Variants in SMYD4 observed in about 807,000 individuals in gnomAD.
SMYD4 encodes protein-lysine N-methyltransferase SMYD4.
In SMYD4, 68 loss-of-function variants were observed where a neutral mutation model predicts 72.8. That is an observed-to-expected ratio of 0.93 (90% CI 0.77 to 1.14). SMYD4 has a LOEUF of 1.14. SMYD4 is among the 50% of genes most tolerant of loss of function. The probability of loss-of-function intolerance (pLI) is 0.00; values close to 1 mark genes in which losing one functional copy is unlikely to be tolerated. For missense variants in SMYD4, 984 were observed against 1,003.7 expected (o/e 0.98, Z 0.27); for synonymous variants, 407 against 388.6 (o/e 1.05, Z -0.56).
intron 3 of SMYD4, among the ~76,000 whole-genome samples, chr17:1,806,750 T>C (rs988285831): frequency 6.6e-6 from 1 of 152,274 alleles, no homozygotes; most frequent in East Asian, 1.9e-4. Flanking sequence ...AATTTAGCAA[T>C]ATATGTCAAA....
chr17:1,807,242 C>A (rs536034360), intron 3 of SMYD4, among the ~76,000 whole-genome samples: 2 of 151,698 alleles, frequency 1.3e-5, no homozygotes, highest in Non-Finnish European at 2.9e-5. Context: ...AGACAGGAAA[C>A]AAGCATCGAT....
chr17:1,789,785 A>G (rs1893111693), intron 5 of SMYD4, among the ~76,000 whole-genome samples: 2 of 150,558 alleles, frequency 1.3e-5, no homozygotes, highest in African/African-American at 2.4e-5. Flanking sequence ...AAAAAGTTTT[A>G]TAAAGGAAAA....
chr17:1,798,593 T>C (rs1909530853), intron 5 of SMYD4, among the ~76,000 whole-genome samples: 1 of 151,750 alleles, frequency 6.6e-6, no homozygotes, highest in African/African-American at 2.4e-5. Context: ...CAAGTCCTCA[T>C]CTCTATTAAA....
chr17:1,802,444 T>C (rs1261711033), intron 4 of SMYD4, among the ~76,000 whole-genome samples: 17 of 151,486 alleles, frequency 1.1e-4, no homozygotes, highest in Admixed American at 1.1e-3. Flanking sequence ...CAGTTAGCTA[T>C]GATCGAGTCA....
chr17:1,794,103 A>ATTTTT (rs1909254322), intron 5 of SMYD4, among the ~76,000 whole-genome samples: 1 of 14,760 alleles, frequency 6.8e-5, no homozygotes, highest in Non-Finnish European at 1.6e-4. Flanking sequence ...ATATATATAT[A>ATTTTT]TATTTTTTTT....
chr17:1,783,338 A>G (rs965517883), intron 9 of SMYD4, 22 bp downstream of exon 9: 2 of 1,611,672 alleles, frequency 1.2e-6, no homozygotes, highest in Non-Finnish European at 1.7e-6. Context: ...CCCGACGCAG[A>G]ACGTGAAGGC....
intron 7 of SMYD4, 164 bp from the exon 8 acceptor site, chr17:1,784,625 G>GC (rs1908554913): frequency 1.5e-5 from 14 of 942,030 alleles, no homozygotes; most frequent in Non-Finnish European, 1.8e-5. Context: ...TTTGATGGCG[G>GC]CAATGGCGGC....
At chr17:1,821,603 A>C (rs545522463) in intron 2 of SMYD4, among the ~76,000 whole-genome samples, 4 of 152,142 alleles carry the variant, frequency 2.6e-5, no homozygotes, top group Non-Finnish European at 4.4e-5. Flanking sequence ...AACTCAAGAA[A>C]GAGCAGTATT....
At chr17:1,793,954 G>A (rs1909202011) in intron 5 of SMYD4, among the ~76,000 whole-genome samples, 1 of 146,596 alleles carries the variant, frequency 6.8e-6, no homozygotes, top group African/African-American at 2.5e-5. Flanking sequence ...CCTAGTAGCT[G>A]GGACTACAGG....
In SMYD4 at chr17:1,829,740, G is replaced by A. The variant is rs1314687869; in HGVS notation, c.-27C>T. ...GGGATACCAACCCGTGCACTCGCCA[G>A]AGACCGAGGCGAGAACGCCTCGAGA... On this transcript the variant is annotated 5_prime_UTR_variant, in exon 1 of 11. Coordinates refer to ENST00000305513, the MANE Select transcript of SMYD4 (RefSeq NM_052928.3). The A allele has an allele frequency of 1.1e-5, 2 of 187,362 alleles. No individual in the cohort carries two copies. The highest frequency in any genetic ancestry group is 6.1e-5 in the Admixed American group (1 of 16,268). 11.6% of individuals were successfully genotyped at this position (187,362 alleles called of 1,614,324 possible). A position where few individuals can be genotyped will look rare whatever the true frequency, so the allele number is the denominator to read the frequency against.
intron 2 of SMYD4, among the ~76,000 whole-genome samples, chr17:1,815,058 A>T (rs1488768259): frequency 6.6e-6 from 1 of 151,406 alleles, no homozygotes; most frequent in East Asian, 1.9e-4. Flanking sequence ...TATGAACTCA[A>T]TGTCTTTTTT....
chr17:1,805,927 CTT>C (rs34177306), intron 3 of SMYD4, among the ~76,000 whole-genome samples: 11 of 140,438 alleles, frequency 7.8e-5, no homozygotes, highest in Admixed American at 1.4e-4. Context: ...ACATCAAATT[CTT>C]TTTTTTTTTT....
At chr17:1,790,134 C>T (rs1168219645) in intron 5 of SMYD4, among the ~76,000 whole-genome samples, 1 of 152,180 alleles carries the variant, frequency 6.6e-6, no homozygotes, top group East Asian at 1.9e-4. Flanking sequence ...TAAAAGTGGA[C>T]TTGCATTGCC....
intron 5 of SMYD4, among the ~76,000 whole-genome samples, chr17:1,790,037 CA>C (rs1315642274): frequency 6.6e-6 from 1 of 152,182 alleles, no homozygotes; most frequent in Non-Finnish European, 1.5e-5. Context: ...TGCTAATGAG[CA>C]GTGAAAATGC....
rs569893909 is a variant in SMYD4, at chr17:1,809,294, G to C, written c.279+2677C>G. On this transcript the variant is annotated intron_variant, in intron 3 of 10. Transcript: ENST00000305513. ...ATCTTAAAAGCTACGGAAGGAAGTT[G>C]CTCAGGGGATCTTGTTCCAGTTCTT... 2.6e-5 allele frequency among the ~76,000 whole-genome samples: 4 copies of C among 152,278 alleles called. No individual in the cohort carries two copies. The East Asian group carries it at 7.7e-4, about 29-fold the overall frequency.
chr17:1,792,461 CACG>C (rs1315704062), intron 5 of SMYD4, among the ~76,000 whole-genome samples: 10 of 152,098 alleles, frequency 6.6e-5, no homozygotes, highest in African/African-American at 2.4e-4. Flanking sequence ...ACCTTGCTAA[CACG>C]GTGAAACCCT....
chr17:1,783,354 C>G lies in SMYD4; in HGVS notation c.2137+6G>C, dbSNP rs559167826. The stretch of plus-strand genomic sequence containing the variant: ...CCGACGCAGAACGTGAAGGCTCATG[C>G]TGTACCTAAGGCAGCACAGGCCCGG... On this transcript the variant is annotated splice_donor_region_variant and intron_variant, in intron 9 of 10. Transcript: ENST00000305513. 6.2e-7 allele frequency: 1 copy of G among 1,612,116 alleles called. No homozygotes were observed. Among genetic ancestry groups the G allele is most frequent in the African/African-American group, 1.3e-5 (1 of 75,000 alleles).
At chr17:1,815,786 G>A (rs562269016) in intron 2 of SMYD4, among the ~76,000 whole-genome samples, 4 of 148,466 alleles carry the variant, frequency 2.7e-5, no homozygotes, top group East Asian at 2.0e-4. Context: ...TGCAATCTCC[G>A]CCTCCCGGGT....
chr17:1,785,189 G>C (rs1165307649), intron 7 of SMYD4, among the ~76,000 whole-genome samples: 1 of 149,066 alleles, frequency 6.7e-6, no homozygotes, highest in Non-Finnish European at 1.5e-5. Flanking sequence ...TTGGGAGGGC[G>C]AGGCGGGTGG....
Sources: gnomAD v4.1 joint callset for allele counts (sites outside exome capture counted in the v4.1 genomes callset) on GRCh38, gnomAD v4.1.1 for gene constraint, MANE v1.5 for transcripts, NCBI Gene and HGNC (gene_info 2026-07-23, HGNC 2026-07-21) for gene names.